Variants in SMIM23 observed in about 807,000 individuals in gnomAD.
The protein encoded by SMIM23 is CTB-78H18.1.
A neutral mutation model predicts 12.8 loss-of-function variants in SMIM23; 10 were observed. That is an observed-to-expected ratio of 0.78 (90% CI 0.48 to 1.32). SMIM23 has a LOEUF of 1.32. Ranked by LOEUF, SMIM23 falls within the 40% of genes most tolerant of loss-of-function variation. SMIM23 has a pLI of 0.00. For missense variants in SMIM23, 184 were observed against 198.2 expected (o/e 0.93, Z 0.43); for synonymous variants, 78 against 80.1 (o/e 0.97, Z 0.14).
chr5:171,785,543 C>T (rs553674313), upstream of SMIM23, among the ~76,000 whole-genome samples: 8 of 152,152 alleles, frequency 5.3e-5, no homozygotes, highest in African/African-American at 1.9e-4. Context: ...AGCCACTGCA[C>T]CCAAACTATT....
upstream of SMIM23, among the ~76,000 whole-genome samples, chr5:171,778,503 A>G (rs1328786703): frequency 6.6e-6 from 1 of 151,744 alleles, no homozygotes; most frequent in African/African-American, 2.4e-5. Context: ...AGATAGAGAC[A>G]GAGAGAAGAG....
chr5:171,778,453 A>T (rs1383381917), upstream of SMIM23, among the ~76,000 whole-genome samples: 5,419 of 71,810 alleles, frequency 0.075, 277 homozygotes, highest in African/African-American at 0.29. Context: ...AATTTCACAC[A>T]CACACACACA....
At chr5:171,773,827 G>A in the SMIM23 span, 4 of 456,308 alleles carry the variant, frequency 8.8e-6, no homozygotes, top group African/African-American at 8.0e-5. Context: ...GATTGTATGA[G>A]AAAGCTCCTA....
upstream of SMIM23, chr5:171,782,883 A>C (rs1755752730): frequency 6.6e-6 from 1 of 152,160 alleles, no homozygotes; most frequent in South Asian, 2.1e-4. Flanking sequence ...AGCTGTAGTA[A>C]AGTAATCTAG....
chr5:171,780,522 G>A (rs1350994285), upstream of SMIM23, among the ~76,000 whole-genome samples: 3 of 152,128 alleles, frequency 2.0e-5, no homozygotes, highest in Non-Finnish European at 4.4e-5. Flanking sequence ...AAATGTGACT[G>A]TAATTCATTA....
At chr5:171,786,663 CAA>C (rs1365239455) in intron 1 of SMIM23, among the ~76,000 whole-genome samples, 4 of 152,170 alleles carry the variant, frequency 2.6e-5, no homozygotes, top group Non-Finnish European at 5.9e-5. Flanking sequence ...TCTCTGTTTT[CAA>C]AAGACTTGTT....
upstream of SMIM23, among the ~76,000 whole-genome samples, chr5:171,780,263 C>T (rs1480238897): frequency 6.6e-6 from 1 of 152,162 alleles, no homozygotes; most frequent in Non-Finnish European, 1.5e-5. Context: ...GACTTGCTCC[C>T]TAATTCCCTC....
At chr5:171,783,961 G>T (rs1755767316), upstream of SMIM23, among the ~76,000 whole-genome samples, 1 of 152,176 alleles carries the variant, frequency 6.6e-6, no homozygotes, top group Non-Finnish European at 1.5e-5. Flanking sequence ...AGACGTTCGG[G>T]CAGGGCATGG....
intron 1 of SMIM23, among the ~76,000 whole-genome samples, chr5:171,787,066 C>A (rs969110988): frequency 1.6e-5 from 2 of 128,894 alleles, no homozygotes; most frequent in African/African-American, 5.9e-5. Flanking sequence ...TGTCACCAGG[C>A]TGGAGTACAA....
upstream of SMIM23, among the ~76,000 whole-genome samples, chr5:171,785,157 A>AACAC (rs34740868): frequency 7.6e-4 from 114 of 149,892 alleles, no homozygotes; most frequent in African/African-American, 2.7e-3. Flanking sequence ...TTTAGAATTA[A>AACAC]ACACACACAC....
At chr5:171,774,360 C>G in the SMIM23 span, 1 of 454,396 alleles carries the variant, frequency 2.2e-6, no homozygotes, top group South Asian at 1.6e-5. Flanking sequence ...ACTGAGCCAG[C>G]AGAGAGACAG....
intron 3 of SMIM23, 39 bp downstream of exon 3, chr5:171,790,588 G>A (rs1373307710): frequency 6.6e-7 from 1 of 1,526,000 alleles, no homozygotes; most frequent in Non-Finnish European, 8.8e-7. Context: ...AGGCAATCTG[G>A]GAAGGCTTTC....
chr5:171,790,273 A>G lies in SMIM23; in HGVS notation c.149A>G (p.Glu50Gly), dbSNP rs1581076492. ...LLILVLYLST[E>G]IWGSSWEVSE... Reference sequence around the variant, plus strand: ...ATCTTGGTGCTGTACTTGAGCACAGAGATATGGGGTGAGCATTCTGGAATC... The same window carrying G: ...ATCTTGGTGCTGTACTTGAGCACAGGGATATGGGGTGAGCATTCTGGAATC... The change falls in exon 2 of 4, where the codon GAG becomes GGG. Residue 50 changes from glutamate (E) to glycine (G), a missense_variant. Coordinates refer to ENST00000523047, the MANE Select transcript of SMIM23 (RefSeq NM_001289970.2). 3.3e-6 allele frequency: 5 copies of G among 1,536,078 alleles called. No homozygotes were observed. In the East Asian group the frequency reaches 1.2e-4, roughly 38 times the overall value.
the SMIM23 span, among the ~76,000 whole-genome samples, chr5:171,776,347 G>T: frequency 6.6e-6 from 1 of 152,118 alleles, no homozygotes; most frequent in Non-Finnish European, 1.5e-5. Flanking sequence ...CAACGCGCCC[G>T]AGGCACATGT....
chr5:171,780,234 G>A (rs908418524), upstream of SMIM23, among the ~76,000 whole-genome samples: 6 of 152,012 alleles, frequency 3.9e-5, no homozygotes, highest in Admixed American at 3.3e-4. Context: ...CCCTGCCCCC[G>A]CCAACTCATT....
intron 1 of SMIM23, among the ~76,000 whole-genome samples, chr5:171,789,685 AG>A (rs1755886254): frequency 6.6e-6 from 1 of 152,246 alleles, no homozygotes; most frequent in Non-Finnish European, 1.5e-5. Context: ...TAAATGCAAA[AG>A]CACACACACT....
At chr5:171,775,296 T>C in the SMIM23 span, among the ~76,000 whole-genome samples, 1 of 152,298 alleles carries the variant, frequency 6.6e-6, no homozygotes, top group Admixed American at 6.5e-5. Context: ...AGGAGGGCGC[T>C]GCCTCACACT....
rs767448113 is a variant in SMIM23 at position 171,785,954 on chromosome 5, G to A, written c.83G>A (p.Ser28Asn). 3.3e-6 allele frequency: 5 copies of A among 1,536,360 alleles called. No individual in the cohort carries two copies. The highest frequency in any genetic ancestry group is 4.4e-6 in the Non-Finnish European group (5 of 1,146,930). Residue 28 changes from serine (S) to asparagine (N), a missense_variant, in exon 1 of 4, where the codon AGC (serine) becomes AAC (asparagine). Ser to Asn is a conservative substitution (Grantham distance 46). Coordinates refer to ENST00000523047, the MANE Select transcript of SMIM23 (RefSeq NM_001289970.2). ...CAGCTGCTTGAACGGAGAAGGGGCA[G>A]CCACTGTGATGACGAGAAGCAGGTG... ...AAQLLERRRG[S>N]HCDDEKQTLL...
At chr5:171,786,283 C>T (rs138911531) in intron 1 of SMIM23, among the ~76,000 whole-genome samples, 21 of 152,224 alleles carry the variant, frequency 1.4e-4, no homozygotes, top group African/African-American at 4.1e-4. Flanking sequence ...GCTGAATGAA[C>T]GAATGAACTG....
Sources: allele counts gnomAD v4.1 joint callset (sites outside exome capture counted in the v4.1 genomes callset), GRCh38; gene constraint gnomAD v4.1.1; transcripts MANE v1.5; gene names NCBI Gene and HGNC (gene_info 2026-07-23, HGNC 2026-07-21).